PACRG: variants seen among roughly 807,000 people sequenced by gnomAD.
PACRG encodes parkin coregulated.
A neutral mutation model predicts 29.7 loss-of-function variants in PACRG; 29 were observed. That is an observed-to-expected ratio of 0.98 (90% confidence interval 0.73 to 1.33). The LOEUF (loss-of-function observed/expected upper bound fraction) is 1.33, where lower values mean the gene tolerates loss of function less well. Among genes scored for constraint, PACRG ranks in the 40% most tolerant of loss-of-function variants. The pLI is 0.00. For synonymous variants in PACRG, 116 were observed against 118.7 expected, an observed-to-expected ratio of 0.98 and a Z score of 0.15; for missense variants, 279 against 316.2, an observed-to-expected ratio of 0.88 and a Z score of 0.89.
chr6:162,953,021 C>T (rs537715725), intron 2 of PACRG, among the ~76,000 whole-genome samples: 14 of 152,180 alleles, frequency 9.2e-5, no homozygotes, highest in East Asian at 7.7e-4. Context: ...CATTCTTTGG[C>T]GTACAAAAAT....
chr6:163,260,361 C>T (rs1783278493), intron 4 of PACRG, among the ~76,000 whole-genome samples: 1 of 152,164 alleles, frequency 6.6e-6, no homozygotes, highest in South Asian at 2.1e-4. Flanking sequence ...ACCTCAGAGC[C>T]CATACACAAA....
At chr6:163,255,034 G>A (rs753950091) in intron 4 of PACRG, among the ~76,000 whole-genome samples, 11 of 152,154 alleles carry the variant, frequency 7.2e-5, no homozygotes, top group Non-Finnish European at 1.6e-4. Flanking sequence ...GAGAAACAAC[G>A]TGTTGCCCTG....
At chr6:162,730,930 A>C (rs1441994654) in intron 1 of PACRG, among the ~76,000 whole-genome samples, 1 of 152,164 alleles carries the variant, frequency 6.6e-6, no homozygotes, top group Non-Finnish European at 1.5e-5. Context: ...AGAAACTAGT[A>C]ACCCAGTATT....
chr6:163,087,056 C>T (rs762683673), intron 3 of PACRG, among the ~76,000 whole-genome samples: 18 of 151,990 alleles, frequency 1.2e-4, no homozygotes, highest in Non-Finnish European at 2.2e-4. Flanking sequence ...AGGGTAACCC[C>T]GCGGTACCTT....
intron 4 of PACRG, among the ~76,000 whole-genome samples, chr6:163,210,521 A>G (rs1164501981): frequency 1.3e-5 from 2 of 152,206 alleles, no homozygotes; most frequent in Admixed American, 6.5e-5. Flanking sequence ...GGATGCACCC[A>G]TTTCTATGGG....
At chr6:162,785,199 A>AGG (rs1554278834) in intron 1 of PACRG, among the ~76,000 whole-genome samples, 1 of 145,926 alleles carries the variant, frequency 6.9e-6, no homozygotes, top group East Asian at 2.0e-4. Flanking sequence ...AGAGAGAGAG[A>AGG]GAGGGAGAGA....
intron 4 of PACRG, chr6:163,095,454 C>A (rs542407386): frequency 5.0e-4 from 487 of 978,306 alleles, no homozygotes; most frequent in Admixed American, 3.2e-3. Flanking sequence ...TTCCTGGAGC[C>A]ACGTAACAAA....
intron 4 of PACRG, among the ~76,000 whole-genome samples, chr6:163,246,727 A>G (rs546781026): frequency 6.6e-6 from 1 of 152,308 alleles, no homozygotes; most frequent in South Asian, 2.1e-4. Context: ...ACACATATTT[A>G]TTTTTTCACA....
At chr6:163,042,568 C>T (rs1409045382) in intron 2 of PACRG, 2 of 152,098 alleles carry the variant, frequency 1.3e-5, no homozygotes, top group African/African-American at 4.8e-5. Context: ...TTTTAAAACT[C>T]TACTTTATTA....
In PACRG at chr6:163,241,174, G is replaced by GA. The variant is rs777393126; in HGVS notation, c.614-73647dup. Among the ~76,000 whole-genome samples the GA allele has an allele frequency of 6.1e-4, 93 of 152,182 alleles. 1 individual carries two copies. Among genetic ancestry groups the GA allele is most frequent in the Non-Finnish European group, 8.7e-4 (59 of 67,990 alleles). On this transcript the variant is annotated intron_variant, in intron 4 of 4. Coordinates refer to ENST00000366888, the MANE Select transcript of PACRG (RefSeq NM_001080379.2). Reference sequence around the variant, plus strand: ...AATTTCATTACCTGAGAGAGGGGAAGAAAAAAGGTGAAAGGTACTGCTGAA... The same window carrying GA: ...AATTTCATTACCTGAGAGAGGGGAAGAAAAAAAGGTGAAAGGTACTGCTGAA...
intron 2 of PACRG, among the ~76,000 whole-genome samples, chr6:162,882,740 A>T (rs1040521056): frequency 6.6e-6 from 1 of 152,074 alleles, no homozygotes; most frequent in South Asian, 2.1e-4. Flanking sequence ...CCCCAACTCC[A>T]TCCCACCAAC....
chr6:163,079,158 G>C (rs549110), intron 3 of PACRG, among the ~76,000 whole-genome samples: 45,760 of 151,910 alleles, frequency 0.3, 7,498 homozygotes, highest in East Asian at 0.58. Flanking sequence ...CATGGTGCCC[G>C]ATCAAGAATA....
At chr6:163,093,299 C>T (rs1562907971) in intron 4 of PACRG, among the ~76,000 whole-genome samples, 1 of 152,216 alleles carries the variant, frequency 6.6e-6, no homozygotes, top group Non-Finnish European at 1.5e-5. Flanking sequence ...GGACGTAAAA[C>T]ATGCTGTCTT....
intron 4 of PACRG, among the ~76,000 whole-genome samples, chr6:163,233,178 A>C (rs1180782358): frequency 6.6e-6 from 1 of 152,230 alleles, no homozygotes; most frequent in Non-Finnish European, 1.5e-5. Flanking sequence ...TAACCTGCTC[A>C]CTATCCTTTG....
At chr6:163,099,846 T>C (rs1366451857) in intron 4 of PACRG, among the ~76,000 whole-genome samples, 2 of 151,798 alleles carry the variant, frequency 1.3e-5, no homozygotes, top group African/African-American at 4.8e-5. Flanking sequence ...TGAGGGTGAG[T>C]AAATTGTTCT....
intron 1 of PACRG, among the ~76,000 whole-genome samples, chr6:162,747,493 T>TATATATA (rs71008109): frequency 7.8e-6 from 1 of 127,584 alleles, no homozygotes; most frequent in African/African-American, 3.0e-5. Context: ...TATATATATA[T>TATATATA]TCCATTAGTT....
intron 4 of PACRG, among the ~76,000 whole-genome samples, chr6:163,096,326 G>A (rs1279279134): frequency 6.6e-6 from 1 of 151,568 alleles, no homozygotes; most frequent in East Asian, 2.0e-4. Flanking sequence ...GGCCTGTCCC[G>A]GCCCAAACCA....
chr6:163,185,983 C>T (rs2764001), intron 4 of PACRG, among the ~76,000 whole-genome samples: 50,631 of 151,774 alleles, frequency 0.33, 9,565 homozygotes, highest in Middle Eastern at 0.46. Flanking sequence ...TGGGGGAGGG[C>T]GTGCCCCCTC....
chr6:162,735,995 T>C (rs995531209), intron 1 of PACRG, among the ~76,000 whole-genome samples: 13 of 152,214 alleles, frequency 8.5e-5, no homozygotes, highest in Non-Finnish European at 1.9e-4. Context: ...AGAGTCAGTA[T>C]ATTTATCAAT....
Sources: allele counts gnomAD v4.1 joint callset (sites outside exome capture counted in the v4.1 genomes callset), GRCh38; gene constraint gnomAD v4.1.1; transcripts MANE v1.5; gene names NCBI Gene and HGNC (gene_info 2026-07-23, HGNC 2026-07-21).